KPNB1: variants seen among roughly 807,000 people sequenced by gnomAD.
KPNB1 encodes the protein importin subunit beta-1.
Under a neutral mutation model 113.0 loss-of-function variants are expected in KPNB1, and 7 were observed. The ratio of observed to expected loss-of-function variants is 0.06; its 90% CI spans 0.04 to 0.12. The LOEUF (loss-of-function observed/expected upper bound fraction) is 0.12, where lower values mean the gene tolerates loss of function less well. Among genes scored for constraint, KPNB1 ranks in the 10% least tolerant of loss-of-function variants. The probability of loss-of-function intolerance (pLI) is 1.00; values close to 1 mark genes in which losing one functional copy is unlikely to be tolerated. For synonymous variants in KPNB1, 363 were observed against 378.6 expected, an observed-to-expected ratio of 0.96 and a Z score of 0.48; for missense variants, 400 against 1,054.8, an observed-to-expected ratio of 0.38 and a Z score of 8.60.
chr17:47,685,141 C>G lies in KPNB1; in HGVS notation c.*2737C>G, dbSNP rs2030904818. The G allele has an allele frequency of 6.6e-6, 1 of 152,170 alleles. No homozygotes were observed. Among genetic ancestry groups the G allele is most frequent in the Admixed American group, 6.5e-5 (1 of 15,280 alleles). The allele number at this position is 152,170 out of a possible 1,614,324, so 9.4% of individuals were successfully genotyped here. On this transcript the variant is annotated 3_prime_UTR_variant, in exon 22 of 22. Coordinates refer to ENST00000290158, the MANE Select transcript of KPNB1 (RefSeq NM_002265.6). ...TCATTTTTCCCAGTTCTCCTCACCC[C>G]CCCTTTGTTGAAATGTTGGACTTGC...
At chr17:47,666,506 ATATAT>A (rs992615874) in intron 9 of KPNB1, among the ~76,000 whole-genome samples, 6 of 138,632 alleles carry the variant, frequency 4.3e-5, no homozygotes, top group South Asian at 2.3e-4. Context: ...ATATAATGTT[ATATAT>A]TATATTTTAT....
chr17:47,670,082 G>A (rs2030402734), intron 11 of KPNB1, among the ~76,000 whole-genome samples: 3 of 152,214 alleles, frequency 2.0e-5, no homozygotes, highest in Non-Finnish European at 4.4e-5. Flanking sequence ...ACTTAGAACA[G>A]TCATGGTAAC....
Position 47,678,452 on chromosome 17 carries a change from A to G in KPNB1, c.2353+39A>G, listed in dbSNP as rs187519144. On this transcript the variant is annotated intron_variant, in intron 19 of 21. Transcript: ENST00000290158. Reference sequence around the variant, plus strand: ...CCCAGTTCCCTTCGTCCGCTCGCCAATGTGCACTTAGCCAAGTGGGCTATG... The same window carrying G: ...CCCAGTTCCCTTCGTCCGCTCGCCAGTGTGCACTTAGCCAAGTGGGCTATG... 8.7e-4 allele frequency: 1,230 copies of G among 1,419,294 alleles called. 3 individuals are homozygous for G. The highest frequency in any genetic ancestry group is 3.7e-3 in the Middle Eastern group (18 of 4,870). 87.9% of individuals were successfully genotyped at this position (1,419,294 alleles called of 1,614,324 possible).
intron 19 of KPNB1, among the ~76,000 whole-genome samples, chr17:47,679,615 A>C (rs898807938): frequency 1.3e-5 from 2 of 152,170 alleles, no homozygotes; most frequent in African/African-American, 2.4e-5. Context: ...CTTGTATGAT[A>C]GGGGTATAAT....
At chr17:47,680,476 A>G in intron 20 of KPNB1, 32 bp from the exon 21 acceptor site, 1 of 1,612,220 alleles carries the variant, frequency 6.2e-7, no homozygotes. Flanking sequence ...TGGGGCTAGG[A>G]GCTCATTCTC....
intron 9 of KPNB1, among the ~76,000 whole-genome samples, chr17:47,667,801 A>G (rs1004296904): frequency 2.0e-5 from 3 of 149,910 alleles, no homozygotes. Flanking sequence ...CAGGTGATCC[A>G]CCCACCTTAG....
At chr17:47,681,254 C>G in intron 21 of KPNB1, among the ~76,000 whole-genome samples, 1 of 141,920 alleles carries the variant, frequency 7.0e-6, no homozygotes, top group East Asian at 2.1e-4. Context: ...TTTTTCTTTT[C>G]TTTTCTTCTT....
intron 12 of KPNB1, among the ~76,000 whole-genome samples, chr17:47,672,440 T>C (rs1406950839): frequency 1.3e-5 from 2 of 151,890 alleles, no homozygotes; most frequent in African/African-American, 4.8e-5. Context: ...GTCTTGTTGC[T>C]CAGGCTGGAG....
At chr17:47,674,562 T>C in intron 14 of KPNB1, 76 bp from the exon 15 acceptor site, 7 of 1,414,058 alleles carry the variant, frequency 5.0e-6, no homozygotes, top group Non-Finnish European at 3.8e-6. Flanking sequence ...CTTAATTGAT[T>C]TTAAAAAGAA....
chr17:47,673,245 C>G (rs2030501786), intron 13 of KPNB1, 80 bp downstream of exon 13: 1 of 1,361,050 alleles, frequency 7.3e-7, no homozygotes, highest in Non-Finnish European at 1.0e-6. Context: ...CCAGACTGTT[C>G]TGTCTTTTTA....
At chr17:47,674,557 T>C (rs927346033) in intron 14 of KPNB1, 81 bp from the exon 15 acceptor site, 3 of 1,368,592 alleles carry the variant, frequency 2.2e-6, no homozygotes, top group African/African-American at 2.9e-5. Flanking sequence ...AGGGACTTAA[T>C]TGATTTTAAA....
intron 19 of KPNB1, among the ~76,000 whole-genome samples, chr17:47,679,704 CTTTTTTTTTT>C (rs566783470): frequency 2.2e-3 from 311 of 144,316 alleles, no homozygotes; most frequent in African/African-American, 7.4e-3. Context: ...TTTTTTTTTT[CTTTTTTTTTT>C]GAGATGGAAT....
At chr17:47,652,917 C>T (rs199802994) in intron 3 of KPNB1, 41 bp downstream of exon 3, 51 of 1,437,804 alleles carry the variant, frequency 3.5e-5, no homozygotes, top group Admixed American at 7.2e-5. Flanking sequence ...GCCCAGAGAA[C>T]AAGAAATCGC....
rs574948691 is a variant in KPNB1, at chr17:47,682,590, C to T, written c.*186C>T. On this transcript the variant is annotated 3_prime_UTR_variant, in exon 22 of 22. Transcript: ENST00000290158. ...CAGCAGCCGCAGCCGCCAACAGCAGCGCTGTTAGTGAGCTAAGTAAGCACT... is the reference window on the plus strand; with the variant it reads ...CAGCAGCCGCAGCCGCCAACAGCAGTGCTGTTAGTGAGCTAAGTAAGCACT... 441 of 623,264 alleles carry T rather than the reference C, an allele frequency of 7.1e-4. No individual in the cohort carries two copies. The highest frequency in any genetic ancestry group is 1.4e-3 in the East Asian group (50 of 36,772). The allele number at this position is 623,264 out of a possible 1,614,324, so 38.6% of individuals were successfully genotyped here. A position where few individuals can be genotyped will look rare whatever the true frequency, so the allele number is the denominator to read the frequency against.
rs371171060 is a variant in KPNB1, at chr17:47,650,432, C to T, written c.87C>T (p.Ala29=). 16 of 1,605,486 alleles carry T rather than the reference C, an allele frequency of 1.0e-5. No homozygotes were observed. Among genetic ancestry groups the T allele is most frequent in the Non-Finnish European group, 1.3e-5 (15 of 1,177,168 alleles). The change falls in exon 2 of 22, where the codon GCC becomes GCT. Residue 29 remains alanine (A), a synonymous_variant. Coordinates refer to ENST00000290158, the MANE Select transcript of KPNB1 (RefSeq NM_002265.6). ...CGCAGAAGTTCCTGGAGCGTGCGGC[C>T]GTGGAGAACCTGGTGCGTGCTACCC... ...EAAQKFLERA[A]VENLPTFLVE...
chr17:47,654,333 T>G lies in KPNB1; in HGVS notation c.282+1457T>G, dbSNP rs373758775. ...TGGAGGCTTAGGCAGGAGAATTGCT[T>G]GAACCTGGGAGGCGGAGATTGTGGT... On this transcript the variant is annotated intron_variant, in intron 3 of 21. Coordinates refer to ENST00000290158, the MANE Select transcript of KPNB1 (RefSeq NM_002265.6). Among the ~76,000 whole-genome samples the G allele has an allele frequency of 3.3e-5, 5 of 151,558 alleles. No homozygotes were observed. The East Asian group carries it at 7.7e-4, about 23-fold the overall frequency.
intron 2 of KPNB1, 130 bp downstream of exon 2, chr17:47,650,574 T>TCCCC (rs1333201997): frequency 1.2e-5 from 6 of 503,318 alleles, no homozygotes; most frequent in African/African-American, 8.3e-5. Flanking sequence ...CCCCTCCCCC[T>TCCCC]CCCCCCCCAA....
At chr17:47,665,017 T>C (rs2030224949) in intron 8 of KPNB1, 40 bp from the exon 9 acceptor site, 1 of 1,490,304 alleles carries the variant, frequency 6.7e-7, no homozygotes, top group Non-Finnish European at 9.4e-7. Context: ...TATACAGAGC[T>C]CGGTTGCTTT....
intron 5 of KPNB1, among the ~76,000 whole-genome samples, chr17:47,660,581 C>G (rs945784437): frequency 6.6e-6 from 1 of 152,136 alleles, no homozygotes; most frequent in Non-Finnish European, 1.5e-5. Context: ...TCTGAAACCC[C>G]AGAGCAAATG....
Sources: allele counts gnomAD v4.1 joint callset (sites outside exome capture counted in the v4.1 genomes callset), GRCh38; gene constraint gnomAD v4.1.1; transcripts MANE v1.5; gene names NCBI Gene and HGNC (gene_info 2026-07-23, HGNC 2026-07-21).